The following NEBL variants were observed in gnomAD, a reference collection of about 807,000 sequenced individuals.
NEBL encodes the protein nebulette, also known as LIM and SH3 protein 2.
Under a neutral mutation model 140.2 loss-of-function variants are expected in NEBL, and 122 were observed. That is an observed-to-expected ratio of 0.87 (90% confidence interval 0.75 to 1.01). The LOEUF (loss-of-function observed/expected upper bound fraction) is 1.01, where lower values mean the gene tolerates loss of function less well. Ranked by LOEUF, NEBL falls within the 50% of genes least tolerant of loss-of-function variation. The pLI, the probability that NEBL is intolerant of heterozygous loss-of-function variation, is 0.00. For missense variants in NEBL, 1,365 were observed against 1,231.3 expected, an observed-to-expected ratio of 1.11 and a Z score of -1.62; for synonymous variants, 436 against 398.9, an observed-to-expected ratio of 1.09 and a Z score of -1.11.
intron 3 of NEBL, among the ~76,000 whole-genome samples, chr10:20,979,516 T>G (rs953367345): frequency 3.9e-5 from 6 of 152,168 alleles, no homozygotes; most frequent in Admixed American, 3.9e-4. Context: ...TCAGAAGAGA[T>G]CTAATATTAT....
At chr10:20,819,319 G>A (rs980157459) in intron 20 of NEBL, 105 bp downstream of exon 20, 37 of 1,563,478 alleles carry the variant, frequency 2.4e-5, no homozygotes, top group South Asian at 3.4e-5. Context: ...TTGGTTTTAC[G>A]TTCCTGTGTT....
chr10:21,023,696 A>AAAATAAATAAATAAATAAATAAAT (rs374573842), intron 2 of NEBL, among the ~76,000 whole-genome samples: 4 of 151,628 alleles, frequency 2.6e-5, no homozygotes, highest in African/African-American at 7.3e-5. Context: ...CTCCATCTCA[A>AAAATAAATAAATAAATAAATAAAT]AAATAAATAA....
chr10:21,141,060 C>CAAA (rs35937796), intron 2 of NEBL, among the ~76,000 whole-genome samples: 6,756 of 119,926 alleles, frequency 0.056, 348 homozygotes, highest in East Asian at 0.18. Context: ...AGGTATTCGA[C>CAAA]AAAAAAAAAA....
At chr10:21,023,233 T>C (rs1321545753) in intron 2 of NEBL, among the ~76,000 whole-genome samples, 1 of 152,144 alleles carries the variant, frequency 6.6e-6, no homozygotes, top group East Asian at 1.9e-4. Context: ...AATTTGAAAA[T>C]TTTACATATG....
At chr10:20,983,210 T>C (rs940014142) in intron 3 of NEBL, among the ~76,000 whole-genome samples, 2 of 152,192 alleles carry the variant, frequency 1.3e-5, no homozygotes. Context: ...CCATAAGTCT[T>C]GTAGAATGCT....
chr10:21,231,457 T>C (rs1046119031), intron 3 of NEBL, among the ~76,000 whole-genome samples: 4 of 151,952 alleles, frequency 2.6e-5, no homozygotes, highest in Non-Finnish European at 4.4e-5. Context: ...GGGGAATCGC[T>C]TGAACTCGGG....
intron 3 of NEBL, among the ~76,000 whole-genome samples, chr10:20,986,988 A>T (rs1837282040): frequency 1.3e-5 from 2 of 152,224 alleles, no homozygotes; most frequent in South Asian, 4.1e-4. Flanking sequence ...GTCCTATTTT[A>T]GCAATTGTAA....
rs544883805 is a variant in NEBL at position 21,134,252 on chromosome 10, G to T, written c.164+38131C>A. On this transcript the variant is annotated intron_variant, in intron 2 of 6. Transcript: ENST00000417816. ...AGAAAAAAAAAAAAAATCTAAGTAG[G>T]TGCCAAATTTTCCATCCCACTGGAA... 2.0e-5 allele frequency among the ~76,000 whole-genome samples: 3 copies of T among 151,886 alleles called. No individual in the cohort carries two copies. In the South Asian group the frequency reaches 6.3e-4, roughly 32 times the overall value.
At position 20,780,433 on chromosome 10, in the gene NEBL, A is replaced by C. The variant is rs1834956263; in HGVS notation, c.*5314T>G. 4 of 152,222 alleles carry C rather than the reference A, an allele frequency of 2.6e-5. No homozygotes were observed. The highest frequency in any genetic ancestry group is 5.9e-5 in the Non-Finnish European group (4 of 68,036). 9.4% of individuals were successfully genotyped at this position (152,222 alleles called of 1,614,324 possible). A position where few individuals can be genotyped will look rare whatever the true frequency, so the allele number is the denominator to read the frequency against. Reference sequence around the variant, plus strand: ...CTTGGAGAAGCATAATATTGTTATCACTTACAACTAAGTTTATTTGGGGGA... The same window carrying C: ...CTTGGAGAAGCATAATATTGTTATCCCTTACAACTAAGTTTATTTGGGGGA... On this transcript the variant is annotated 3_prime_UTR_variant, in exon 28 of 28. Coordinates refer to ENST00000377122, the MANE Select transcript of NEBL (RefSeq NM_006393.3).
chr10:21,034,449 ATTC>A lies in NEBL; in HGVS notation c.165-14251_165-14249del, dbSNP rs1833934735. ...CAGCAGAGTCCAGAAAAGATCCAAC[ATTC>A]TTCTCAGCACAGTAACGCAGGCACC... On this transcript the variant is annotated intron_variant, in intron 2 of 6. Coordinates refer to the NEBL transcript ENST00000417816. 2.6e-5 allele frequency among the ~76,000 whole-genome samples: 4 copies of A among 152,170 alleles called. No individual in the cohort carries two copies. The South Asian group carries it at 8.3e-4, about 31-fold the overall frequency.
chr10:21,091,215 T>G (rs1343656903), intron 2 of NEBL, among the ~76,000 whole-genome samples: 1 of 152,060 alleles, frequency 6.6e-6, no homozygotes, highest in African/African-American at 2.4e-5. Context: ...CTAAGAAGAC[T>G]TTAAATGTCT....
At position 21,074,162 on chromosome 10, in the gene NEBL, C is replaced by T. The variant is rs966702503; in HGVS notation, c.165-53961G>A. ...CTTCTTTCAAAATTCTGTTTCAAAT[C>T]CTCACCCTTTCAGGACCTCTCCCCA... On this transcript the variant is annotated intron_variant, in intron 2 of 6. Coordinates refer to the NEBL transcript ENST00000417816. Among the ~76,000 whole-genome samples the T allele has an allele frequency of 4.6e-5, 7 of 152,196 alleles. 1 individual carries two copies. Among genetic ancestry groups the T allele is most frequent in the Admixed American group, 4.6e-4 (7 of 15,280 alleles).
intron 26 of NEBL, among the ~76,000 whole-genome samples, chr10:20,800,523 C>G (rs1277187185): frequency 5.3e-5 from 8 of 152,048 alleles, no homozygotes; most frequent in Non-Finnish European, 8.8e-5. Context: ...TATGGTAGTT[C>G]TATTTTAATT....
At chr10:21,059,810 T>C (rs1349383114) in intron 2 of NEBL, among the ~76,000 whole-genome samples, 1 of 152,198 alleles carries the variant, frequency 6.6e-6, no homozygotes, top group East Asian at 1.9e-4. Flanking sequence ...ATTAAGGTTA[T>C]CTTACAGTGA....
chr10:21,279,289 A>ATTTTTT (rs33940640), intron 1 of NEBL, among the ~76,000 whole-genome samples: 2 of 131,832 alleles, frequency 1.5e-5, no homozygotes, highest in Non-Finnish European at 3.1e-5. Context: ...TATTTTTTCA[A>ATTTTTT]TTTTTTTTTT....
At chr10:20,812,420 C>CA (rs1303599634) in intron 24 of NEBL, among the ~76,000 whole-genome samples, 1 of 151,672 alleles carries the variant, frequency 6.6e-6, no homozygotes, top group Non-Finnish European at 1.5e-5. Context: ...GTGCTGCACC[C>CA]TTAACTCGTC....
At chr10:21,269,573 T>C (rs1387057557) in intron 1 of NEBL, among the ~76,000 whole-genome samples, 1 of 152,148 alleles carries the variant, frequency 6.6e-6, no homozygotes, top group African/African-American at 2.4e-5. Context: ...CATCAGACAC[T>C]TTGACTTCAA....
At chr10:20,948,290 T>C (rs1835278107) in intron 4 of NEBL, among the ~76,000 whole-genome samples, 2 of 152,240 alleles carry the variant, frequency 1.3e-5, no homozygotes, top group African/African-American at 4.8e-5. Flanking sequence ...TTCATGCCTT[T>C]CAACCAATAA....
At chr10:21,078,021 G>C (rs142304319) in intron 2 of NEBL, among the ~76,000 whole-genome samples, 91 of 152,326 alleles carry the variant, frequency 6.0e-4, no homozygotes, top group Middle Eastern at 6.8e-3. Context: ...AGCACGGATT[G>C]ACTCTCAATA....
Sources: gnomAD v4.1 joint callset for allele counts (sites outside exome capture counted in the v4.1 genomes callset) on GRCh38, gnomAD v4.1.1 for gene constraint, MANE v1.5 for transcripts, NCBI Gene and HGNC (gene_info 2026-07-23, HGNC 2026-07-21) for gene names.